The following NRXN3 variants were observed in gnomAD, a reference collection of about 807,000 sequenced individuals.
NRXN3 encodes the protein neurexin 3, also known as neurexin III.
In NRXN3, 32 loss-of-function variants were observed where a neutral mutation model predicts 137.6. The observed-to-expected ratio is 0.23, with a 90% CI of 0.18 to 0.31. The LOEUF (loss-of-function observed/expected upper bound fraction) is 0.31. Ranked by LOEUF, NRXN3 falls within the 10% of genes least tolerant of loss-of-function variation. The probability of loss-of-function intolerance (pLI) is 1.00; values close to 1 mark genes in which losing one functional copy is unlikely to be tolerated. For missense variants in NRXN3, 1,574 were observed against 2,062.5 expected, an observed-to-expected ratio of 0.76 and a Z score of 4.59; for synonymous variants, 798 against 784.5, an observed-to-expected ratio of 1.02 and a Z score of -0.29.
At chr14:79,175,212 C>A in intron 15 of NRXN3, among the ~76,000 whole-genome samples, 1 of 152,070 alleles carries the variant, frequency 6.6e-6, no homozygotes, top group East Asian at 1.9e-4. Context: ...GATCTCCTGA[C>A]CTCGTGATCC....
In NRXN3 at chr14:79,862,077, G is replaced by T; in HGVS notation, c.*113G>T. 13 of 886,754 alleles carry T rather than the reference G, an allele frequency of 1.5e-5. No individual in the cohort carries two copies. Among genetic ancestry groups the T allele is most frequent in the Middle Eastern group, 2.5e-4 (1 of 3,962 alleles). 54.9% of individuals were successfully genotyped at this position (886,754 alleles called of 1,614,324 possible). A position where few individuals can be genotyped will look rare whatever the true frequency, so the allele number is the denominator to read the frequency against. On this transcript the variant is annotated 3_prime_UTR_variant, in exon 21 of 21. Transcript: ENST00000335750. ...AGAACTGCTGGAACTATGAAATGGGGTATATAACCACGACTCTGGTGGGGA... is the reference window on the plus strand; with the variant it reads ...AGAACTGCTGGAACTATGAAATGGGTTATATAACCACGACTCTGGTGGGGA...
chr14:78,671,550 A>G (rs755189235), intron 6 of NRXN3, among the ~76,000 whole-genome samples: 4 of 152,212 alleles, frequency 2.6e-5, no homozygotes, highest in Non-Finnish European at 5.9e-5. Context: ...ACCCTCTGAA[A>G]CTAAAAGTTA....
chr14:78,327,619 C>A (rs966000819), intron 4 of NRXN3, among the ~76,000 whole-genome samples: 23 of 152,288 alleles, frequency 1.5e-4, no homozygotes, highest in African/African-American at 5.3e-4. Context: ...TTTATTCACT[C>A]ATTCAGCAAA....
At chr14:78,178,344 G>A (rs550289455) in intron 1 of NRXN3, among the ~76,000 whole-genome samples, 4 of 152,352 alleles carry the variant, frequency 2.6e-5, no homozygotes, top group African/African-American at 9.6e-5. Context: ...TTCAGGCTTA[G>A]GAGGAGGGGG....
At chr14:79,535,922 G>A (rs753538254) in intron 16 of NRXN3, among the ~76,000 whole-genome samples, 2 of 152,202 alleles carry the variant, frequency 1.3e-5, no homozygotes, top group Non-Finnish European at 2.9e-5. Flanking sequence ...TCTGTATTCA[G>A]TTACGTGTTG....
At chr14:79,208,136 G>A (rs1015162646) in intron 15 of NRXN3, among the ~76,000 whole-genome samples, 1 of 152,150 alleles carries the variant, frequency 6.6e-6, no homozygotes, top group African/African-American at 2.4e-5. Context: ...AGTGTTATTT[G>A]AAGTAATTAG....
intron 4 of NRXN3, among the ~76,000 whole-genome samples, chr14:78,337,254 A>G (rs2153577652): frequency 6.6e-6 from 1 of 152,242 alleles, no homozygotes. Flanking sequence ...CCCTGACTGT[A>G]CAGAGGGAAT....
chr14:79,355,358 C>A (rs1295054963), intron 15 of NRXN3, among the ~76,000 whole-genome samples: 1 of 151,946 alleles, frequency 6.6e-6, no homozygotes, highest in Non-Finnish European at 1.5e-5. Flanking sequence ...TACCCTATGC[C>A]TAGTTATGAT....
intron 17 of NRXN3, among the ~76,000 whole-genome samples, chr14:79,669,818 A>G (rs1183755354): frequency 1.3e-5 from 2 of 152,050 alleles, no homozygotes; most frequent in Non-Finnish European, 2.9e-5. Context: ...CCCCAGTGCT[A>G]TGGGTACATT....
At chr14:78,382,249 A>C (rs75281355) in intron 4 of NRXN3, among the ~76,000 whole-genome samples, 8 of 152,346 alleles carry the variant, frequency 5.3e-5, no homozygotes, top group Non-Finnish European at 1.0e-4. Flanking sequence ...ATGCATAATA[A>C]AGTACAGTGA....
At chr14:78,762,694 T>C (rs914080884) in intron 8 of NRXN3, among the ~76,000 whole-genome samples, 4 of 152,176 alleles carry the variant, frequency 2.6e-5, no homozygotes, top group African/African-American at 9.7e-5. Context: ...GTAATAATAC[T>C]GTTTACCCAA....
chr14:78,670,924 A>G (rs774399121), intron 6 of NRXN3, among the ~76,000 whole-genome samples: 2 of 152,198 alleles, frequency 1.3e-5, no homozygotes, highest in Non-Finnish European at 2.9e-5. Context: ...ACCTGTGTTA[A>G]CTGCAGAACA....
intron 15 of NRXN3, among the ~76,000 whole-genome samples, chr14:79,295,721 A>G (rs1024668924): frequency 6.6e-6 from 1 of 152,146 alleles, no homozygotes; most frequent in Non-Finnish European, 1.5e-5. Flanking sequence ...TAGGCCCTTT[A>G]AAAACATCAG....
chr14:78,509,365 T>A (rs66750215), intron 4 of NRXN3, among the ~76,000 whole-genome samples: 57,909 of 151,934 alleles, frequency 0.38, 11,296 homozygotes, highest in East Asian at 0.47. Context: ...TGTGTGAGAA[T>A]CAATTGTGTT....
chr14:78,186,997 A>G (rs1439645813), intron 1 of NRXN3, among the ~76,000 whole-genome samples: 2 of 152,196 alleles, frequency 1.3e-5, no homozygotes, highest in African/African-American at 4.8e-5. Flanking sequence ...ACTATCTTGG[A>G]CATGTGCATG....
chr14:78,740,766 A>G (rs142324200), intron 8 of NRXN3, among the ~76,000 whole-genome samples: 28 of 152,192 alleles, frequency 1.8e-4, no homozygotes, highest in Non-Finnish European at 1.2e-4. Context: ...TGCCCTAATT[A>G]TCAGTGATAA....
At chr14:78,923,620 A>C (rs1035883317) in intron 10 of NRXN3, among the ~76,000 whole-genome samples, 6 of 152,228 alleles carry the variant, frequency 3.9e-5, no homozygotes, top group African/African-American at 1.4e-4. Flanking sequence ...GGAATTAAGG[A>C]AATGCCAAGA....
chr14:78,262,096 A>G (rs2070835890), intron 2 of NRXN3, among the ~76,000 whole-genome samples: 1 of 152,220 alleles, frequency 6.6e-6, no homozygotes, highest in South Asian at 2.1e-4. Flanking sequence ...ACATCCAAAG[A>G]TGAGAAGGAG....
chr14:78,614,768 A>G, intron 4 of NRXN3, among the ~76,000 whole-genome samples: 1 of 152,150 alleles, frequency 6.6e-6, no homozygotes, highest in East Asian at 1.9e-4. Context: ...CTGGATGGCA[A>G]TTTTCTGGGT....
Sources: allele counts gnomAD v4.1 joint callset (sites outside exome capture counted in the v4.1 genomes callset), GRCh38; gene constraint gnomAD v4.1.1; transcripts MANE v1.5; gene names NCBI Gene and HGNC (gene_info 2026-07-23, HGNC 2026-07-21).